CRPPA: variants seen among roughly 807,000 people sequenced by gnomAD.
CRPPA encodes D-ribitol-5-phosphate cytidylyltransferase.
CRPPA carries 43 observed loss-of-function variants against 52.0 expected under a neutral mutation model. That is an observed-to-expected ratio of 0.83 (90% CI 0.65 to 1.07). The LOEUF is 1.07. CRPPA is among the 50% of genes least tolerant of loss of function. The pLI, the probability that CRPPA is intolerant of heterozygous loss-of-function variation, is 0.00. For missense variants in CRPPA, 629 were observed against 551.7 expected (o/e 1.14, Z -1.40); for synonymous variants, 250 against 203.5 (o/e 1.23, Z -1.94).
At chr7:16,416,871 A>G (rs990305276) in intron 1 of CRPPA, among the ~76,000 whole-genome samples, 1 of 152,116 alleles carries the variant, frequency 6.6e-6, no homozygotes, top group African/African-American at 2.4e-5. Flanking sequence ...CTGCACAGCA[A>G]TTGAAACTAT....
intron 8 of CRPPA, among the ~76,000 whole-genome samples, chr7:16,226,640 G>A (rs755503739): frequency 1.3e-5 from 2 of 151,906 alleles, no homozygotes; most frequent in Non-Finnish European, 1.5e-5. Flanking sequence ...CATAGCCTCA[G>A]TTAGATAGTG....
rs377144477 is a variant in CRPPA at position 16,304,254 on chromosome 7, A to C, written c.790-2788T>G. On this transcript the variant is annotated intron_variant, in intron 4 of 9. Transcript: ENST00000407010. ...TCCCAGAACCAGTTCTGTACTCCTC[A>C]GTGCTTATCGCCCTGGTGGGGGTAG... Among the ~76,000 whole-genome samples the C allele has an allele frequency of 6.6e-5, 10 of 152,178 alleles. No homozygotes were observed. In the East Asian group the frequency reaches 1.5e-3, roughly 24 times the overall value.
chr7:16,400,509 G>A (rs369111191), intron 2 of CRPPA, among the ~76,000 whole-genome samples: 42 of 152,290 alleles, frequency 2.8e-4, no homozygotes, highest in Middle Eastern at 3.4e-3. Flanking sequence ...ACACCCGAAC[G>A]ACACGACTGG....
chr7:16,333,667 A>G (rs891376114), intron 3 of CRPPA, among the ~76,000 whole-genome samples: 1 of 152,220 alleles, frequency 6.6e-6, no homozygotes, highest in African/African-American at 2.4e-5. Context: ...GAAGAAATCA[A>G]TAAAATTATA....
chr7:16,104,762 T>G (rs926751412), intron 9 of CRPPA, among the ~76,000 whole-genome samples: 1 of 152,062 alleles, frequency 6.6e-6, no homozygotes, highest in Non-Finnish European at 1.5e-5. Flanking sequence ...TAGCCAGGCA[T>G]GGTGGCGTGC....
intron 9 of CRPPA, among the ~76,000 whole-genome samples, chr7:16,155,436 A>G (rs1363647523): frequency 1.3e-5 from 2 of 152,130 alleles, no homozygotes; most frequent in South Asian, 2.1e-4. Flanking sequence ...TGTTTTTTCA[A>G]TACAAGTTAC....
intron 6 of CRPPA, among the ~76,000 whole-genome samples, chr7:16,274,743 T>C (rs1030226589): frequency 2.6e-5 from 4 of 152,288 alleles, no homozygotes; most frequent in Non-Finnish European, 1.5e-5. Flanking sequence ...TGTCTATATT[T>C]ATAGACGAAT....
At chr7:16,186,765 T>A (rs562135064) in intron 9 of CRPPA, among the ~76,000 whole-genome samples, 3 of 151,846 alleles carry the variant, frequency 2.0e-5, no homozygotes, top group Admixed American at 2.0e-4. Flanking sequence ...TAGAATTTGT[T>A]CCCAGAGTTC....
chr7:16,239,768 T>C (rs1250717086), intron 8 of CRPPA, among the ~76,000 whole-genome samples: 1 of 152,086 alleles, frequency 6.6e-6, no homozygotes, highest in Non-Finnish European at 1.5e-5. Flanking sequence ...CACTGGAAAA[T>C]AAATTCACAA....
intron 2 of CRPPA, among the ~76,000 whole-genome samples, chr7:16,389,902 A>C: frequency 9.4e-6 from 1 of 106,928 alleles, no homozygotes; most frequent in Non-Finnish European, 2.0e-5. Flanking sequence ...ACAGAGAACA[A>C]GCCTAGTATA....
intron 3 of CRPPA, among the ~76,000 whole-genome samples, chr7:16,362,852 C>T (rs968809341): frequency 6.6e-6 from 1 of 152,080 alleles, no homozygotes; most frequent in African/African-American, 2.4e-5. Context: ...CTTGATAAGG[C>T]TTGTCAGAGG....
rs192318373 is a variant in CRPPA, at chr7:16,153,643, C to A, written c.1252-61844G>T. Among the ~76,000 whole-genome samples the A allele has an allele frequency of 3.7e-4, 57 of 152,148 alleles. No individual in the cohort carries two copies. In the East Asian group the frequency reaches 0.011, roughly 29 times the overall value. ...TCACATGAAGTGACCTAATTTTTTT[C>A]AATATATCACATGAAGCAGGCAGGT... On this transcript the variant is annotated intron_variant, in intron 9 of 9. Coordinates refer to ENST00000407010, the MANE Select transcript of CRPPA (RefSeq NM_001101426.4).
chr7:16,187,488 TTCAA>T (rs1398824807), intron 9 of CRPPA, among the ~76,000 whole-genome samples: 1 of 152,350 alleles, frequency 6.6e-6, no homozygotes, highest in African/African-American at 2.4e-5. Flanking sequence ...CGGAATCCTT[TTCAA>T]GTCTAACTTT....
At chr7:16,125,392 T>C (rs971552125) in intron 9 of CRPPA, among the ~76,000 whole-genome samples, 2 of 152,156 alleles carry the variant, frequency 1.3e-5, no homozygotes, top group Non-Finnish European at 2.9e-5. Flanking sequence ...GCATAGTCTC[T>C]GTCATTTACT....
intron 2 of CRPPA, among the ~76,000 whole-genome samples, chr7:16,402,975 C>T (rs537821932): frequency 6.6e-6 from 1 of 152,142 alleles, no homozygotes; most frequent in South Asian, 2.1e-4. Context: ...TATACAGACA[C>T]ATCACAGAGA....
chr7:16,223,989 T>C (rs1199435599), intron 8 of CRPPA, among the ~76,000 whole-genome samples: 1 of 152,110 alleles, frequency 6.6e-6, no homozygotes, highest in Non-Finnish European at 1.5e-5. Flanking sequence ...CACATATACA[T>C]AAAAAAGATA....
chr7:16,348,217 G>A (rs1221355127), intron 3 of CRPPA, among the ~76,000 whole-genome samples: 2 of 152,154 alleles, frequency 1.3e-5, no homozygotes, highest in East Asian at 1.9e-4. Context: ...ATCCTGAAAA[G>A]AATTTGTCTG....
At chr7:16,094,587 G>T (rs200647216) in intron 9 of CRPPA, among the ~76,000 whole-genome samples, 1 of 115,138 alleles carries the variant, frequency 8.7e-6, no homozygotes, top group South Asian at 2.9e-4. Context: ...GTGTGTGTAT[G>T]TGTGTGTGTA....
intron 2 of CRPPA, among the ~76,000 whole-genome samples, chr7:16,398,860 T>C (rs1422856903): frequency 1.3e-5 from 2 of 152,082 alleles, no homozygotes; most frequent in Admixed American, 1.3e-4. Context: ...GTAACTGGCA[T>C]GTGTCCAACA....
Sources: gnomAD v4.1 joint callset for allele counts (sites outside exome capture counted in the v4.1 genomes callset) on GRCh38, gnomAD v4.1.1 for gene constraint, MANE v1.5 for transcripts, NCBI Gene and HGNC (gene_info 2026-07-23, HGNC 2026-07-21) for gene names.